Variants in CTTNBP2NL observed in about 807,000 individuals in gnomAD.
The protein encoded by CTTNBP2NL is CTTNBP2 N-terminal like.
Under a neutral mutation model 32.5 loss-of-function variants are expected in CTTNBP2NL, and 16 were observed. That is an observed-to-expected ratio of 0.49 (90% CI 0.33 to 0.75). The LOEUF (loss-of-function observed/expected upper bound fraction) is 0.75. Ranked by LOEUF, CTTNBP2NL falls within the 30% of genes least tolerant of loss-of-function variation. The pLI, the probability that CTTNBP2NL is intolerant of heterozygous loss-of-function variation, is 0.02. For missense variants in CTTNBP2NL, 645 were observed against 756.0 expected (o/e 0.85, Z 1.72); for synonymous variants, 298 against 289.4 (o/e 1.03, Z -0.30).
chr1:112,423,747 G>C (rs1341140914), intron 3 of CTTNBP2NL, among the ~76,000 whole-genome samples: 2 of 152,028 alleles, frequency 1.3e-5, no homozygotes, highest in African/African-American at 4.8e-5. Flanking sequence ...TTTTTGAGAC[G>C]GAGTCTCGCT....
At chr1:112,446,043 T>C (rs984223871) in intron 3 of CTTNBP2NL, among the ~76,000 whole-genome samples, 1 of 152,208 alleles carries the variant, frequency 6.6e-6, no homozygotes, top group African/African-American at 2.4e-5. Flanking sequence ...CCAATAGTTA[T>C]TCCTTTACCA....
intron 3 of CTTNBP2NL, among the ~76,000 whole-genome samples, chr1:112,445,946 C>A (rs1650024762): frequency 6.6e-6 from 1 of 152,174 alleles, no homozygotes; most frequent in Non-Finnish European, 1.5e-5. Flanking sequence ...CCCACTTTCT[C>A]CATGGTGCTC....
Position 112,452,335 on chromosome 1 carries a change from C to CTTT in CTTNBP2NL, c.331-2089_331-2087dup, listed in dbSNP as rs1157736195. Among the ~76,000 whole-genome samples, 328 of 65,712 alleles carry CTTT rather than the reference C, an allele frequency of 5.0e-3. 32 individuals carry two copies. Among genetic ancestry groups the CTTT allele is most frequent in the African/African-American group, 0.019 (305 of 16,404 alleles). The allele number at this position is 65,712 out of a possible 152,430, so 43.1% of individuals were successfully genotyped here. On this transcript the variant is annotated intron_variant, in intron 4 of 5. Coordinates refer to ENST00000271277, the MANE Select transcript of CTTNBP2NL (RefSeq NM_018704.3). Reference sequence around the variant, plus strand: ...GCATACACCACAGCACCAGTCTCTTCTTTTTTTTTTTTTTTTTTTTTTTTT... The same window carrying CTTT: ...GCATACACCACAGCACCAGTCTCTTCTTTTTTTTTTTTTTTTTTTTTTTTTTTT...
chr1:112,447,630 C>T (rs1173330453), intron 3 of CTTNBP2NL, among the ~76,000 whole-genome samples: 2 of 151,804 alleles, frequency 1.3e-5, no homozygotes, highest in Non-Finnish European at 2.9e-5. Flanking sequence ...AGATTTTCAG[C>T]ACTGAAATAC....
Position 112,455,911 on chromosome 1 carries a change from TC to T in CTTNBP2NL, c.439-19del. 6.4e-7 allele frequency: 1 copy of T among 1,561,742 alleles called. No individual in the cohort carries two copies. Among genetic ancestry groups the T allele is most frequent in the African/African-American group, 1.4e-5 (1 of 72,690 alleles). ...TGATCACAGTTTGTCAGTATGTCTC[TC>T]TTTTCTTTTTTTTTCTAGTTGGAAT... On this transcript the variant is annotated intron_variant, in intron 5 of 5. Transcript: ENST00000271277.
At chr1:112,408,300 C>A (rs1201327551) in intron 1 of CTTNBP2NL, among the ~76,000 whole-genome samples, 2 of 145,566 alleles carry the variant, frequency 1.4e-5, no homozygotes, top group Non-Finnish European at 3.0e-5. Context: ...TGTTTGGCCT[C>A]CCAAAGTGCT....
chr1:112,441,743 G>T (rs536529892), intron 3 of CTTNBP2NL, among the ~76,000 whole-genome samples: 2 of 152,254 alleles, frequency 1.3e-5, no homozygotes, highest in African/African-American at 4.8e-5. Context: ...CATTCTAGTG[G>T]CTGTATAGTG....
At chr1:112,449,532 T>A (rs1650158329) in intron 4 of CTTNBP2NL, among the ~76,000 whole-genome samples, 1 of 151,786 alleles carries the variant, frequency 6.6e-6, no homozygotes, top group African/African-American at 2.4e-5. Flanking sequence ...AATAAAAAGA[T>A]TAACAGGTAT....
intron 4 of CTTNBP2NL, among the ~76,000 whole-genome samples, chr1:112,451,219 CT>C (rs1264014493): frequency 6.6e-6 from 1 of 151,724 alleles, no homozygotes; most frequent in African/African-American, 2.4e-5. Flanking sequence ...ATTTATATTA[CT>C]TTCTTTTATA....
intron 3 of CTTNBP2NL, among the ~76,000 whole-genome samples, chr1:112,432,670 T>C (rs189228456): frequency 2.0e-5 from 3 of 152,050 alleles, no homozygotes; most frequent in Non-Finnish European, 4.4e-5. Flanking sequence ...CACCTTGCCT[T>C]CTCGCTTAGT....
intron 3 of CTTNBP2NL, among the ~76,000 whole-genome samples, chr1:112,438,878 A>G (rs778264260): frequency 5.9e-5 from 9 of 152,210 alleles, no homozygotes; most frequent in Non-Finnish European, 1.2e-4. Context: ...CAATGCAATG[A>G]TAGCCCACCT....
chr1:112,417,476 AT>A (rs1289411952), intron 3 of CTTNBP2NL, among the ~76,000 whole-genome samples: 5 of 152,174 alleles, frequency 3.3e-5, no homozygotes, highest in Non-Finnish European at 7.4e-5. Context: ...CCTAAAATAT[AT>A]TTTTTTCTTC....
At chr1:112,427,395 G>A (rs947844029) in intron 3 of CTTNBP2NL, among the ~76,000 whole-genome samples, 2 of 152,056 alleles carry the variant, frequency 1.3e-5, no homozygotes, top group African/African-American at 4.8e-5. Context: ...TTGCTTCTCC[G>A]TTTTACTTTT....
intron 1 of CTTNBP2NL, among the ~76,000 whole-genome samples, chr1:112,396,945 C>T (rs1349595037): frequency 6.6e-6 from 1 of 152,216 alleles, no homozygotes; most frequent in Non-Finnish European, 1.5e-5. Context: ...AGGACCTCCT[C>T]TCCTTCACCC....
chr1:112,445,653 T>A (rs1650017533), intron 3 of CTTNBP2NL, among the ~76,000 whole-genome samples: 1 of 152,218 alleles, frequency 6.6e-6, no homozygotes. Context: ...ATTATACAAC[T>A]TGTAATTACT....
intron 1 of CTTNBP2NL, 91 bp downstream of exon 1, chr1:112,396,363 C>G (rs1648326695): frequency 6.6e-6 from 1 of 152,358 alleles, no homozygotes; most frequent in African/African-American, 2.4e-5. Context: ...AGCCTCCCGC[C>G]GCCGTCTCAA....
chr1:112,425,956 CGTGTGTGTGT>C (rs376135147), intron 3 of CTTNBP2NL, among the ~76,000 whole-genome samples: 65 of 119,762 alleles, frequency 5.4e-4, no homozygotes, highest in Middle Eastern at 4.2e-3. Context: ...ATCTGGATGC[CGTGTGTGTGT>C]GTGTGTGTGT....
chr1:112,413,205 A>G (rs1648936074), intron 2 of CTTNBP2NL, among the ~76,000 whole-genome samples: 1 of 152,142 alleles, frequency 6.6e-6, no homozygotes, highest in Non-Finnish European at 1.5e-5. Flanking sequence ...TTGTATATGT[A>G]CCTCTTATTT....
At chr1:112,445,176 C>T (rs948594719) in intron 3 of CTTNBP2NL, among the ~76,000 whole-genome samples, 2 of 152,106 alleles carry the variant, frequency 1.3e-5, no homozygotes, top group African/African-American at 4.8e-5. Flanking sequence ...CAGCCCTGAC[C>T]AACAGTTTGA....
Sources: allele counts gnomAD v4.1 joint callset (sites outside exome capture counted in the v4.1 genomes callset), GRCh38; gene constraint gnomAD v4.1.1; transcripts MANE v1.5; gene names NCBI Gene and HGNC (gene_info 2026-07-23, HGNC 2026-07-21).